RBFOX1: variants seen among roughly 807,000 people sequenced by gnomAD.
RBFOX1 encodes the protein RNA binding protein fox-1 homolog 1.
In RBFOX1, 8 loss-of-function variants were observed where a neutral mutation model predicts 57.7. The observed-to-expected ratio is 0.14, with a 90% CI of 0.08 to 0.25. The LOEUF (loss-of-function observed/expected upper bound fraction) is 0.25, where lower values mean the gene tolerates loss of function less well. Ranked by LOEUF, RBFOX1 falls within the 10% of genes least tolerant of loss-of-function variation. The probability of loss-of-function intolerance (pLI) is 1.00; values close to 1 mark genes in which losing one functional copy is unlikely to be tolerated. For synonymous variants in RBFOX1, 326 were observed against 222.4 expected, an observed-to-expected ratio of 1.47 and a Z score of -4.15; for missense variants, 611 against 548.5, an observed-to-expected ratio of 1.11 and a Z score of -1.14.
At chr16:7,677,163 T>C (rs2073581131) in intron 14 of RBFOX1, among the ~76,000 whole-genome samples, 1 of 48,162 alleles carries the variant, frequency 2.1e-5, no homozygotes, top group South Asian at 5.0e-4. Context: ...ACACACACCG[T>C]ACAACCTTCT....
At position 7,020,235 on chromosome 16, in the gene RBFOX1, C is replaced by T. The variant is rs573189171; in HGVS notation, c.-15-31822C>T. Among the ~76,000 whole-genome samples, 3 of 151,696 alleles carry T rather than the reference C, an allele frequency of 2.0e-5. No homozygotes were observed. The East Asian group carries it at 5.8e-4, about 29-fold the overall frequency. On this transcript the variant is annotated intron_variant, in intron 3 of 15. Coordinates refer to ENST00000550418, the MANE Select transcript of RBFOX1 (RefSeq NM_018723.4). ...GTTTCTTTGTTTCTTTCTTTATTTC[C>T]TCTTTTTTTAGACAGAATCTTGCCC...
chr16:6,271,831 C>T (rs946484439), intron 1 of RBFOX1, among the ~76,000 whole-genome samples: 3 of 152,074 alleles, frequency 2.0e-5, no homozygotes, highest in Admixed American at 2.0e-4. Flanking sequence ...AATAAATCTC[C>T]AGATCAGGAG....
At chr16:7,190,191 T>A (rs921627221) in intron 4 of RBFOX1, among the ~76,000 whole-genome samples, 6 of 152,126 alleles carry the variant, frequency 3.9e-5, no homozygotes, top group African/African-American at 1.4e-4. Context: ...TGAAACCCCG[T>A]CTCTACTAAA....
chr16:5,385,284 G>A (rs1596776110), intron 1 of RBFOX1, among the ~76,000 whole-genome samples: 1 of 152,174 alleles, frequency 6.6e-6, no homozygotes, highest in East Asian at 1.9e-4. Context: ...CTTCTAGGCT[G>A]CACTGATTAC....
At chr16:5,826,225 C>G (rs904798171) in intron 3 of RBFOX1, among the ~76,000 whole-genome samples, 1 of 150,776 alleles carries the variant, frequency 6.6e-6, no homozygotes, top group Non-Finnish European at 1.5e-5. Context: ...ATATTACTTA[C>G]TCATTTACAA....
At chr16:5,360,137 C>T (rs2151335495) in intron 1 of RBFOX1, among the ~76,000 whole-genome samples, 1 of 152,342 alleles carries the variant, frequency 6.6e-6, no homozygotes, top group Middle Eastern at 3.4e-3. Context: ...CTGGATGTTG[C>T]TCCATAGGCT....
chr16:5,466,998 G>A (rs1430005013), intron 1 of RBFOX1, among the ~76,000 whole-genome samples: 5 of 152,100 alleles, frequency 3.3e-5, no homozygotes, highest in Non-Finnish European at 7.4e-5. Context: ...TCTTCCTTCT[G>A]TCTTATGGCA....
intron 4 of RBFOX1, among the ~76,000 whole-genome samples, chr16:7,217,049 C>CTCCG (rs2092215001): frequency 8.3e-6 from 1 of 121,136 alleles, no homozygotes; most frequent in Non-Finnish European, 1.7e-5. Flanking sequence ...CCCTCCCTCC[C>CTCCG]TCCCTCTCTC....
chr16:5,720,878 TG>T (rs2051905371), intron 3 of RBFOX1, among the ~76,000 whole-genome samples: 1 of 152,210 alleles, frequency 6.6e-6, no homozygotes, highest in African/African-American at 2.4e-5. Context: ...TCTCCAACTT[TG>T]TTCTTAGTTT....
At chr16:7,393,351 C>G (rs1425179125) in intron 4 of RBFOX1, among the ~76,000 whole-genome samples, 1 of 152,134 alleles carries the variant, frequency 6.6e-6, no homozygotes, top group South Asian at 2.1e-4. Flanking sequence ...TCTTGCTCAC[C>G]TCTGGATGTC....
At chr16:5,294,129 T>C (rs1004187727) in intron 1 of RBFOX1, among the ~76,000 whole-genome samples, 1 of 152,064 alleles carries the variant, frequency 6.6e-6, no homozygotes, top group Non-Finnish European at 1.5e-5. Flanking sequence ...CTCGGGAGGC[T>C]GAGGTAGGAA....
intron 4 of RBFOX1, among the ~76,000 whole-genome samples, chr16:5,885,446 C>A (rs1489282046): frequency 6.6e-6 from 1 of 152,004 alleles, no homozygotes; most frequent in Non-Finnish European, 1.5e-5. Context: ...AAAAGCATCA[C>A]AAAACATGTT....
intron 3 of RBFOX1, among the ~76,000 whole-genome samples, chr16:5,813,797 A>C (rs1270724094): frequency 2.0e-5 from 3 of 152,234 alleles, no homozygotes; most frequent in Non-Finnish European, 4.4e-5. Flanking sequence ...ATTTGGATCC[A>C]GTCTCACTGG....
intron 14 of RBFOX1, among the ~76,000 whole-genome samples, chr16:7,691,789 A>G (rs1057132991): frequency 6.6e-6 from 1 of 152,170 alleles, no homozygotes; most frequent in African/African-American, 2.4e-5. Flanking sequence ...ATTAGGCAGT[A>G]GAAATTGGGT....
Position 7,156,021 on chromosome 16 carries a change from AT to A in RBFOX1, c.27+103924del, listed in dbSNP as rs1486513742. Among the ~76,000 whole-genome samples the A allele has an allele frequency of 9.2e-5, 14 of 152,030 alleles. No individual in the cohort carries two copies. In the East Asian group the frequency reaches 2.7e-3, roughly 29 times the overall value. The stretch of plus-strand genomic sequence containing the variant: ...TATATATCTACACACACACTCACAC[AT>A]ACACACACGCACACAGGTATATAGG... On this transcript the variant is annotated intron_variant, in intron 4 of 15. Coordinates refer to ENST00000550418, the MANE Select transcript of RBFOX1 (RefSeq NM_018723.4).
chr16:7,056,923 T>TTAGTGTCCCA (rs2052496073), intron 4 of RBFOX1, among the ~76,000 whole-genome samples: 1 of 152,036 alleles, frequency 6.6e-6, no homozygotes, highest in Non-Finnish European at 1.5e-5. Context: ...AGATCCCACT[T>TTAGTGTCCCA]CTAAATGCTC....
chr16:5,536,493 C>A (rs949440446), intron 2 of RBFOX1, among the ~76,000 whole-genome samples: 1 of 152,056 alleles, frequency 6.6e-6, no homozygotes, highest in African/African-American at 2.4e-5. Context: ...GCCTTGGCCT[C>A]CCAAAGTGCT....
rs138400632 is a variant in RBFOX1 at position 5,947,597 on chromosome 16, A to G, written c.351+80262A>G. Among the ~76,000 whole-genome samples, 1,187 of 152,314 alleles carry G rather than the reference A, an allele frequency of 7.8e-3. 11 individuals carry two copies. Among genetic ancestry groups the G allele is most frequent in the African/African-American group, 0.027 (1,123 of 41,578 alleles). On this transcript the variant is annotated intron_variant, in intron 4 of 19. Transcript: ENST00000641259. This position sits in a 1 kb window ranked among gnomAD's most constrained non-coding sequence, Gnocchi z 7.2. ...ATCAGCCTCCCAAAGTGCTGGGATT[A>G]CATGCATGATCCACCATGTCTTGAC...
chr16:5,265,020 G>A (rs976309801), intron 1 of RBFOX1, among the ~76,000 whole-genome samples: 6 of 151,838 alleles, frequency 4.0e-5, no homozygotes, highest in Non-Finnish European at 5.9e-5. Flanking sequence ...GTGTGTGTGT[G>A]TAAAACTGGT....
Sources: gnomAD v4.1 joint callset for allele counts (sites outside exome capture counted in the v4.1 genomes callset) on GRCh38, gnomAD v4.1.1 for gene constraint, Gnocchi (gnomAD v3.1) non-coding constraint, MANE v1.5 for transcripts, NCBI Gene and HGNC (gene_info 2026-07-23, HGNC 2026-07-21) for gene names.